PCDHA10: variants seen among roughly 807,000 people sequenced by gnomAD.
PCDHA10 encodes the protein protocadherin alpha-10.
Under a neutral mutation model 61.2 loss-of-function variants are expected in PCDHA10, and 45 were observed. The ratio of observed to expected loss-of-function variants is 0.74; its 90% CI spans 0.58 to 0.94. The LOEUF is 0.94. PCDHA10 is among the 40% of genes least tolerant of loss of function. PCDHA10 has a pLI of 0.00. For synonymous variants in PCDHA10, 602 were observed against 548.8 expected (o/e 1.10, Z -1.35); for missense variants, 1,278 against 1,236.2 (o/e 1.03, Z -0.51).
rs892987704 is a variant in PCDHA10, at chr5:140,988,405, C to A, written c.2536+5842C>A. Among the ~76,000 whole-genome samples, 31 of 152,248 alleles carry A rather than the reference C, an allele frequency of 2.0e-4. No individual in the cohort carries two copies. In the East Asian group the frequency reaches 5.6e-3, roughly 28 times the overall value. The stretch of plus-strand genomic sequence containing the variant: ...ATTGTGTTTGCCAGAGTTCTCTTCG[C>A]AGCTTATGTAAAGAATTTGTTTGTT... On this transcript the variant is annotated intron_variant, in intron 3 of 3. Transcript: ENST00000307360.
At chr5:140,892,480 CA>C (rs1484176083) in intron 1 of PCDHA10, among the ~76,000 whole-genome samples, 14 of 152,110 alleles carry the variant, frequency 9.2e-5, no homozygotes, top group Non-Finnish European at 1.8e-4. Context: ...GTTTCCTAGC[CA>C]AACATGAGAG....
intron 1 of PCDHA10, chr5:140,884,136 G>A (rs371124724): frequency 1.2e-6 from 2 of 1,613,282 alleles, no homozygotes; most frequent in Non-Finnish European, 1.7e-6. Flanking sequence ...ATCCCGTTCC[G>A]CGTGGGGCTG....
At chr5:140,917,170 G>A (rs1196393398) in intron 1 of PCDHA10, among the ~76,000 whole-genome samples, 1 of 152,184 alleles carries the variant, frequency 6.6e-6, no homozygotes, top group African/African-American at 2.4e-5. Context: ...AGGGGTGATG[G>A]TGGTGATCCC....
At chr5:140,954,498 G>T (rs2095045375) in intron 1 of PCDHA10, among the ~76,000 whole-genome samples, 1 of 152,156 alleles carries the variant, frequency 6.6e-6, no homozygotes, top group Non-Finnish European at 1.5e-5. Context: ...TTGTGGTTTT[G>T]ATTTGCATTT....
At chr5:140,876,709 C>T (rs782033453) in intron 1 of PCDHA10, 1 of 1,614,248 alleles carries the variant, frequency 6.2e-7, no homozygotes, top group Non-Finnish European at 8.5e-7. Context: ...GGACAGCGCC[C>T]TGGACCGCGA....
At chr5:140,964,212 A>G (rs1195642946) in intron 1 of PCDHA10, among the ~76,000 whole-genome samples, 11 of 152,244 alleles carry the variant, frequency 7.2e-5, no homozygotes, top group African/African-American at 2.7e-4. Flanking sequence ...TCTTTAGTAC[A>G]ATGTCTTTCA....
chr5:140,858,135 T>G lies in PCDHA10; in HGVS notation c.2087T>G (p.Val696Gly), dbSNP rs1215623176. 3 of 1,597,334 alleles carry G rather than the reference T, an allele frequency of 1.9e-6. No homozygotes were observed. The African/African-American group carries it at 4.0e-5, about 21-fold the overall frequency. The part of the protein sequence containing the change: ...APEVALVDVN[V>G]YLIIAICAVS... ...GAGGTGGCCCTGGTGGATGTCAACG[T>G]GTACCTGATCATCGCCATCTGCGCG... is the stretch of plus-strand genomic sequence containing the variant. Residue 696 changes from valine to glycine, a missense_variant, in exon 1 of 4, where the codon GTG becomes GGG. Transcript: ENST00000307360.
intron 1 of PCDHA10, chr5:140,967,749 C>A (rs1554229896): frequency 1.2e-6 from 2 of 1,614,172 alleles, no homozygotes; most frequent in Non-Finnish European, 1.7e-6. Context: ...TATGAGGAAG[C>A]CTCCTCCTAC....
At position 140,977,800 on chromosome 5, in the gene PCDHA10, T is replaced by G. The variant is rs572772764; in HGVS notation, c.2389-1149T>G. On this transcript the variant is annotated intron_variant, in intron 1 of 3. Coordinates refer to ENST00000307360, the MANE Select transcript of PCDHA10 (RefSeq NM_018901.4). Reference sequence around the variant, plus strand: ...AAAGGAACTATATGAATGATAGGAATAAGAATTATTGACAGTTTTGAATGG... The same window carrying G: ...AAAGGAACTATATGAATGATAGGAAGAAGAATTATTGACAGTTTTGAATGG... Among the ~76,000 whole-genome samples, 3 of 152,356 alleles carry G rather than the reference T, an allele frequency of 2.0e-5. No individual in the cohort carries two copies. In the East Asian group the frequency reaches 5.8e-4, roughly 29 times the overall value.
At chr5:140,928,406 G>A (rs782285182) in intron 1 of PCDHA10, 1 of 1,614,050 alleles carries the variant, frequency 6.2e-7, no homozygotes, top group South Asian at 1.1e-5. Flanking sequence ...TCATCCAGTG[G>A]GGCCATCACT....
chr5:140,858,123 T>C lies in PCDHA10; in HGVS notation c.2075T>C (p.Val692Ala). The change falls in exon 1 of 4, where the codon GTG becomes GCG. Residue 692 changes from valine (V) to alanine (A), a missense_variant. By Grantham distance (64) the Val-to-Ala change is moderately conservative. Transcript: ENST00000307360. ...GGCGTGGCGCCCGAGGTGGCCCTGG[T>C]GGATGTCAACGTGTACCTGATCATC... ...SVGVAPEVAL[V>A]DVNVYLIIAI... 6.3e-7 allele frequency: 1 copy of C among 1,597,678 alleles called. No individual in the cohort carries two copies. Among genetic ancestry groups the C allele is most frequent in the East Asian group, 2.2e-5 (1 of 44,812 alleles).
intron 1 of PCDHA10, among the ~76,000 whole-genome samples, chr5:140,976,568 TA>T (rs2096723296): frequency 6.6e-6 from 1 of 152,050 alleles, no homozygotes; most frequent in Non-Finnish European, 1.5e-5. Context: ...AATAAATAAA[TA>T]TAAATAAAAC....
At chr5:140,875,346 T>A in intron 1 of PCDHA10, 1 of 1,443,436 alleles carries the variant, frequency 6.9e-7, no homozygotes, top group Non-Finnish European at 9.1e-7. Flanking sequence ...GACTCCATAA[T>A]GACTGTGATG....
intron 1 of PCDHA10, chr5:140,884,458 C>A: frequency 6.2e-7 from 1 of 1,613,736 alleles, no homozygotes; most frequent in Non-Finnish European, 8.5e-7. Flanking sequence ...CCACCGAGGG[C>A]GCGTGCGCGC....
chr5:140,980,239 A>G (rs1453927657), intron 2 of PCDHA10, among the ~76,000 whole-genome samples: 1 of 152,230 alleles, frequency 6.6e-6, no homozygotes, highest in Non-Finnish European at 1.5e-5. Flanking sequence ...TGGTGGAGAC[A>G]TGCAATGGGT....
chr5:140,941,193 TTC>T (rs1491512649), intron 1 of PCDHA10, among the ~76,000 whole-genome samples: 2 of 116,638 alleles, frequency 1.7e-5, no homozygotes, highest in Admixed American at 1.7e-4. Flanking sequence ...TTCTTTTTTT[TTC>T]TTTCTTCCTT....
chr5:140,965,353 A>C (rs1255008521), intron 1 of PCDHA10, among the ~76,000 whole-genome samples: 1 of 152,172 alleles, frequency 6.6e-6, no homozygotes, highest in Non-Finnish European at 1.5e-5. Flanking sequence ...TTGCCTCTAT[A>C]GCAGTACAAG....
At chr5:140,995,689 T>A (rs528829345) in intron 3 of PCDHA10, among the ~76,000 whole-genome samples, 33 of 152,250 alleles carry the variant, frequency 2.2e-4, no homozygotes, top group Admixed American at 6.5e-4. Flanking sequence ...TTTTAATTGT[T>A]AAATAAAGGG....
rs1562723002 is a variant in PCDHA10, at chr5:140,876,958, G to C, written c.2388+18522G>C. 3 of 1,613,288 alleles carry C rather than the reference G, an allele frequency of 1.9e-6. No individual in the cohort carries two copies. The East Asian group carries it at 6.7e-5, about 36-fold the overall frequency. On this transcript the variant is annotated intron_variant, in intron 1 of 3. Transcript: ENST00000307360. ...CGCGCTGGTGTCCTACTCGCTGGTG[G>C]AGCGGCGGGTGGGCGAGCACGCACT...
Sources: allele counts gnomAD v4.1 joint callset (sites outside exome capture counted in the v4.1 genomes callset), GRCh38; gene constraint gnomAD v4.1.1; transcripts MANE v1.5; gene names NCBI Gene and HGNC (gene_info 2026-07-23, HGNC 2026-07-21).